The following NKAIN3 variants were observed in gnomAD, a reference collection of about 807,000 sequenced individuals.
The protein encoded by NKAIN3 is sodium/potassium transporting ATPase interacting 3, also known as sodium/potassium-transporting ATPase subunit beta-1-interacting protein 3.
NKAIN3 carries 25 observed loss-of-function variants against 30.2 expected under a neutral mutation model. The observed-to-expected ratio is 0.83, with a 90% CI of 0.60 to 1.16. NKAIN3 has a LOEUF of 1.16. NKAIN3 is among the 50% of genes most tolerant of loss of function. The pLI, the probability that NKAIN3 is intolerant of heterozygous loss-of-function variation, is 0.00. For missense variants in NKAIN3, 225 were observed against 254.1 expected (o/e 0.89, Z 0.78); for synonymous variants, 91 against 89.6 (o/e 1.02, Z -0.09).
intron 4 of NKAIN3, among the ~76,000 whole-genome samples, chr8:62,802,412 G>A (rs1298633989): frequency 1.3e-5 from 2 of 152,252 alleles, no homozygotes; most frequent in South Asian, 2.1e-4. Flanking sequence ...CAGACTAACA[G>A]TGGATCTCTT....
intron 4 of NKAIN3, among the ~76,000 whole-genome samples, chr8:62,813,782 C>T (rs1393489075): frequency 2.6e-5 from 4 of 151,912 alleles, no homozygotes; most frequent in Admixed American, 2.0e-4. Context: ...TGAGAGTAGA[C>T]AATGTATTTT....
At chr8:62,499,992 A>G (rs1466199930) in intron 1 of NKAIN3, among the ~76,000 whole-genome samples, 4 of 152,122 alleles carry the variant, frequency 2.6e-5, no homozygotes, top group African/African-American at 9.7e-5. Context: ...TTTAAGAGGA[A>G]GATCAGACCT....
chr8:62,800,871 G>A (rs1328508198), intron 4 of NKAIN3, among the ~76,000 whole-genome samples: 3 of 148,932 alleles, frequency 2.0e-5, no homozygotes, highest in Non-Finnish European at 4.5e-5. Context: ...GTCAAAGAAA[G>A]GGGTGACAGA....
chr8:62,390,529 A>C (rs1817559274), intron 1 of NKAIN3, among the ~76,000 whole-genome samples: 2 of 152,200 alleles, frequency 1.3e-5, no homozygotes, highest in African/African-American at 4.8e-5. Context: ...TCTTTATAAT[A>C]GAATGATTTA....
intron 3 of NKAIN3, among the ~76,000 whole-genome samples, chr8:62,685,127 G>A: frequency 6.6e-6 from 1 of 152,114 alleles, no homozygotes; most frequent in East Asian, 1.9e-4. Context: ...ATGGTTTTCT[G>A]CCCAAGAAGG....
chr8:62,983,694 C>A lies in NKAIN3; in HGVS notation c.*18287C>A, dbSNP rs773523273. On this transcript the variant is annotated 3_prime_UTR_variant, in exon 7 of 7. Coordinates refer to ENST00000623646, the MANE Select transcript of NKAIN3 (RefSeq NM_001304533.3). ...GTAGTTAGGGCTCTGGATGAAGGAG[C>A]AAATGGACAAAATAAGCCCCCTCTT... 6 of 152,166 alleles carry A rather than the reference C, an allele frequency of 3.9e-5. No individual in the cohort carries two copies. In the East Asian group the frequency reaches 9.6e-4, roughly 24 times the overall value. The allele number at this position is 152,166 out of a possible 1,614,324, so 9.4% of individuals were successfully genotyped here.
chr8:62,598,243 G>C (rs7826556), intron 3 of NKAIN3, among the ~76,000 whole-genome samples: 68,804 of 151,808 alleles, frequency 0.45, 17,692 homozygotes, highest in Non-Finnish European at 0.58. Context: ...TGGATTGCCA[G>C]AAATGGGGCT....
intron 3 of NKAIN3, among the ~76,000 whole-genome samples, chr8:62,606,619 T>C (rs1387828162): frequency 1.3e-5 from 2 of 152,176 alleles, no homozygotes; most frequent in Non-Finnish European, 2.9e-5. Flanking sequence ...GGGGACTTGA[T>C]TTGACCCTGT....
chr8:62,556,508 G>A (rs1208401299), intron 1 of NKAIN3, among the ~76,000 whole-genome samples: 1 of 151,680 alleles, frequency 6.6e-6, no homozygotes, highest in Non-Finnish European at 1.5e-5. Context: ...TTATACAAAA[G>A]AGTTGACTTA....
chr8:62,576,913 G>A (rs1178996818), intron 1 of NKAIN3, among the ~76,000 whole-genome samples: 1 of 151,648 alleles, frequency 6.6e-6, no homozygotes, highest in African/African-American at 2.4e-5. Flanking sequence ...TACAGTCAAG[G>A]GCAAAAAGTG....
At chr8:62,341,488 C>T (rs1001080901) in intron 1 of NKAIN3, among the ~76,000 whole-genome samples, 4 of 152,124 alleles carry the variant, frequency 2.6e-5, no homozygotes, top group Middle Eastern at 3.4e-3. Context: ...AGAGAGGTCA[C>T]ATTGCTACTT....
At chr8:62,311,834 C>G (rs1043528891) in intron 1 of NKAIN3, among the ~76,000 whole-genome samples, 2 of 150,382 alleles carry the variant, frequency 1.3e-5, no homozygotes, top group African/African-American at 5.0e-5. Context: ...TTTCCCACAT[C>G]TGAACTCTAA....
At chr8:62,959,293 A>G (rs1034040860) in intron 6 of NKAIN3, among the ~76,000 whole-genome samples, 6 of 152,184 alleles carry the variant, frequency 3.9e-5, no homozygotes, top group African/African-American at 1.4e-4. Context: ...AGGCTGTAGG[A>G]CAGATGCAGA....
chr8:62,426,698 A>G (rs1023995250), intron 1 of NKAIN3, among the ~76,000 whole-genome samples: 1 of 151,778 alleles, frequency 6.6e-6, no homozygotes, highest in African/African-American at 2.4e-5. Context: ...GAGTTTTAGT[A>G]AAAAAAAGGC....
intron 1 of NKAIN3, among the ~76,000 whole-genome samples, chr8:62,489,327 C>CTTA (rs1807000312): frequency 6.6e-6 from 1 of 152,058 alleles, no homozygotes; most frequent in Admixed American, 6.6e-5. Context: ...GCCCAGCTGT[C>CTTA]TAAGTCTTAA....
intron 1 of NKAIN3, among the ~76,000 whole-genome samples, chr8:62,422,022 G>T (rs1358407476): frequency 6.6e-6 from 1 of 152,028 alleles, no homozygotes; most frequent in Non-Finnish European, 1.5e-5. Flanking sequence ...ATTACAGCAG[G>T]TTTTTAGGAA....
At chr8:62,740,726 T>C (rs1815838186) in intron 3 of NKAIN3, among the ~76,000 whole-genome samples, 1 of 152,094 alleles carries the variant, frequency 6.6e-6, no homozygotes, top group African/African-American at 2.4e-5. Flanking sequence ...TGCACATACA[T>C]AGTTAATGAA....
intron 5 of NKAIN3, among the ~76,000 whole-genome samples, chr8:62,953,342 C>T (rs1311743016): frequency 2.0e-5 from 3 of 152,118 alleles, no homozygotes; most frequent in African/African-American, 7.2e-5. Flanking sequence ...CCAAAAGAAA[C>T]TGGAAAGAAT....
chr8:62,399,233 T>C (rs1817859230), intron 1 of NKAIN3, among the ~76,000 whole-genome samples: 2 of 152,168 alleles, frequency 1.3e-5, no homozygotes, highest in African/African-American at 4.8e-5. Flanking sequence ...GGGCAGGGCA[T>C]GGTAGCTCAT....
Sources: gnomAD v4.1 joint callset for allele counts (sites outside exome capture counted in the v4.1 genomes callset) on GRCh38, gnomAD v4.1.1 for gene constraint, MANE v1.5 for transcripts, NCBI Gene and HGNC (gene_info 2026-07-23, HGNC 2026-07-21) for gene names.